Variants in RAD51B observed in about 807,000 individuals in gnomAD.
RAD51B encodes DNA repair protein RAD51 homolog 2.
In RAD51B, 38 loss-of-function variants were observed where a neutral mutation model predicts 42.2. That is an observed-to-expected ratio of 0.90 (90% CI 0.70 to 1.18). The LOEUF is 1.18. Among genes scored for constraint, RAD51B ranks in the 50% most tolerant of loss-of-function variants. RAD51B has a pLI of 0.00. For missense variants in RAD51B, 373 were observed against 400.7 expected (o/e 0.93, Z 0.59); for synonymous variants, 154 against 145.2 (o/e 1.06, Z -0.43).
At chr14:68,666,327 A>G (rs1392076643) in intron 11 of RAD51B, among the ~76,000 whole-genome samples, 1 of 152,230 alleles carries the variant, frequency 6.6e-6, no homozygotes, top group Non-Finnish European at 1.5e-5. Context: ...AAGCAGTTTG[A>G]GATGACTTTC....
At chr14:68,286,929 T>C (rs149662348) in intron 7 of RAD51B, among the ~76,000 whole-genome samples, 2 of 152,346 alleles carry the variant, frequency 1.3e-5, no homozygotes, top group African/African-American at 2.4e-5. Flanking sequence ...TAACTCAAGG[T>C]ATTTGCTGCC....
At chr14:68,069,225 A>G (rs2076702352) in intron 7 of RAD51B, among the ~76,000 whole-genome samples, 1 of 152,152 alleles carries the variant, frequency 6.6e-6, no homozygotes, top group Admixed American at 6.6e-5. Flanking sequence ...AGCAAGGAAT[A>G]AAGGCCTCTG....
At chr14:68,360,920 G>C (rs2139910673) in intron 8 of RAD51B, among the ~76,000 whole-genome samples, 1 of 152,334 alleles carries the variant, frequency 6.6e-6, no homozygotes, top group African/African-American at 2.4e-5. Context: ...AGGCCTGTCT[G>C]TTCAGATTCT....
chr14:68,349,965 A>G (rs2082751235), intron 8 of RAD51B, among the ~76,000 whole-genome samples: 1 of 152,254 alleles, frequency 6.6e-6, no homozygotes, highest in South Asian at 2.1e-4. Context: ...AAGTGTAGTC[A>G]GCAAAAAAAG....
rs12435617 is a variant in RAD51B at position 68,281,195 on chromosome 14, A to C, written c.757-10689A>C. Among the ~76,000 whole-genome samples the C allele has an allele frequency of 9.5e-3, 1,452 of 152,300 alleles. 28 individuals are homozygous for C. Among genetic ancestry groups the C allele is most frequent in the East Asian group, 0.057 (296 of 5,184 alleles). ...TTGAACTGGCCCCTCAAAGATGGAAACTTACAGAGTAAAGGAGGCTATTTC... is the reference window on the plus strand; with the variant it reads ...TTGAACTGGCCCCTCAAAGATGGAACCTTACAGAGTAAAGGAGGCTATTTC... On this transcript the variant is annotated intron_variant, in intron 7 of 10. Transcript: ENST00000471583.
Position 68,411,466 on chromosome 14 carries a change from C to A in RAD51B, c.896C>A (p.Thr299Asn). ...SSCVIAALGN[T>N]WSHSVNTRLI... Reference sequence around the variant, plus strand: ...TGTGTGATAGCCGCACTAGGAAATACCTGGAGTCACAGTGTGAATACCCGG... The same window carrying A: ...TGTGTGATAGCCGCACTAGGAAATAACTGGAGTCACAGTGTGAATACCCGG... The change falls in exon 9 of 11, where the codon ACC becomes AAC. Residue 299 changes from threonine to asparagine, a missense_variant. By Grantham distance (65) the Thr-to-Asn change is moderately conservative. Transcript: ENST00000471583. 6.2e-7 allele frequency: 1 copy of A among 1,614,122 alleles called. No individual in the cohort carries two copies. Among genetic ancestry groups the A allele is most frequent in the Non-Finnish European group, 8.5e-7 (1 of 1,180,000 alleles).
intron 8 of RAD51B, among the ~76,000 whole-genome samples, chr14:68,333,637 C>G (rs751262542): frequency 2.6e-4 from 40 of 152,248 alleles, no homozygotes; most frequent in Admixed American, 7.2e-4. Flanking sequence ...AGGATGAACA[C>G]CAATTTTTTC....
At chr14:68,299,214 T>G (rs2139683716) in intron 8 of RAD51B, among the ~76,000 whole-genome samples, 1 of 152,240 alleles carries the variant, frequency 6.6e-6, no homozygotes, top group South Asian at 2.1e-4. Context: ...ACACACATTA[T>G]GGACCATATA....
chr14:68,004,931 T>C (rs1200423038), intron 7 of RAD51B, among the ~76,000 whole-genome samples: 4 of 152,140 alleles, frequency 2.6e-5, no homozygotes. Flanking sequence ...TGTTGTATTG[T>C]GTAGTTGTGG....
At chr14:68,493,625 G>A (rs1226780519) in intron 10 of RAD51B, among the ~76,000 whole-genome samples, 2 of 152,170 alleles carry the variant, frequency 1.3e-5, no homozygotes, top group African/African-American at 4.8e-5. Flanking sequence ...TACACTGTAT[G>A]GGGACAAAAC....
At chr14:68,595,682 G>A in exon 11 of RAD51B, 1 of 956,560 alleles carries the variant, frequency 1.0e-6, no homozygotes, top group South Asian at 5.1e-5. Context: ...CGACCATATG[G>A]TATTGGTTAA....
chr14:68,136,179 A>G (rs2078005241), intron 7 of RAD51B, among the ~76,000 whole-genome samples: 1 of 152,208 alleles, frequency 6.6e-6, no homozygotes, highest in Admixed American at 6.5e-5. Flanking sequence ...TTAGTTAAGA[A>G]TCAAACGTCT....
chr14:68,615,773 T>C (rs1891813466), downstream of RAD51B, among the ~76,000 whole-genome samples: 3 of 152,232 alleles, frequency 2.0e-5, no homozygotes, highest in Admixed American at 2.0e-4. Context: ...TTGCACAGCA[T>C]ATCTTTTTTC....
intron 10 of RAD51B, among the ~76,000 whole-genome samples, chr14:68,546,260 A>G (rs1888228866): frequency 6.6e-6 from 1 of 152,178 alleles, no homozygotes; most frequent in Admixed American, 6.5e-5. Flanking sequence ...ATCCGGGGCT[A>G]TGGTGGCATA....
intron 4 of RAD51B, chr14:67,843,464 G>C (rs2041503846): frequency 6.6e-6 from 1 of 152,050 alleles, no homozygotes; most frequent in African/African-American, 2.4e-5. Flanking sequence ...GTAGAATTAG[G>C]CCGTGAACAT....
At chr14:68,674,687 T>C (rs1363017287) in intron 11 of RAD51B, among the ~76,000 whole-genome samples, 1 of 152,144 alleles carries the variant, frequency 6.6e-6, no homozygotes, top group East Asian at 1.9e-4. Context: ...CCCTCACTTA[T>C]TTAAATATAC....
At chr14:67,885,474 ATAATACAATATACCATAT>A (rs2043034536) in intron 5 of RAD51B, among the ~76,000 whole-genome samples, 2 of 152,234 alleles carry the variant, frequency 1.3e-5, no homozygotes, top group African/African-American at 4.8e-5. Flanking sequence ...GATATCTATT[ATAATACAATATACCATAT>A]TTGTTCAAAT....
chr14:68,128,963 G>T (rs1226592511), intron 7 of RAD51B, among the ~76,000 whole-genome samples: 1 of 152,148 alleles, frequency 6.6e-6, no homozygotes, highest in African/African-American at 2.4e-5. Flanking sequence ...AACTAAGCCA[G>T]TTGCAGTATC....
intron 8 of RAD51B, among the ~76,000 whole-genome samples, chr14:68,356,982 CAAAAAAAA>C (rs34774624): frequency 1.1e-5 from 1 of 92,312 alleles, no homozygotes; most frequent in African/African-American, 4.1e-5. Context: ...GACTCCGTCT[CAAAAAAAA>C]AAAAAAAAAA....
Sources: allele counts gnomAD v4.1 joint callset (sites outside exome capture counted in the v4.1 genomes callset), GRCh38; gene constraint gnomAD v4.1.1; transcripts MANE v1.5; gene names NCBI Gene and HGNC (gene_info 2026-07-23, HGNC 2026-07-21).